The following ARMC2 variants were observed in gnomAD, a reference collection of about 807,000 sequenced individuals.
The protein encoded by ARMC2 is armadillo repeat-containing protein 2.
In ARMC2, 67 loss-of-function variants were observed where a neutral mutation model predicts 90.3. The ratio of observed to expected loss-of-function variants is 0.74; its 90% CI spans 0.61 to 0.91. The LOEUF is 0.91. ARMC2 is among the 40% of genes least tolerant of loss of function. The pLI, the probability that ARMC2 is intolerant of heterozygous loss-of-function variation, is 0.00. For synonymous variants in ARMC2, 393 were observed against 393.0 expected, an observed-to-expected ratio of 1.00 and a Z score of 0.00; for missense variants, 920 against 1,030.9, an observed-to-expected ratio of 0.89 and a Z score of 1.47.
the ARMC2 span, chr6:108,999,248 A>G: frequency 6.5e-6 from 1 of 152,778 alleles, no homozygotes; most frequent in Admixed American, 6.5e-5. Flanking sequence ...TATAACTTCT[A>G]TAATTCTTCT....
intron 5 of ARMC2, among the ~76,000 whole-genome samples, chr6:108,877,334 T>C (rs898124572): frequency 2.6e-5 from 4 of 152,272 alleles, no homozygotes; most frequent in Non-Finnish European, 5.9e-5. Context: ...CTTGCCAGCT[T>C]GTTTAGCTGA....
the ARMC2 span, among the ~76,000 whole-genome samples, chr6:109,027,988 ATTTTATTTCAGTCTGTGGC>A: frequency 4.3e-4 from 65 of 152,164 alleles, no homozygotes; most frequent in African/African-American, 1.5e-3. Flanking sequence ...TGTGTTATAA[ATTTTATTTCAGTCTGTGGC>A]TTGCCTTTTC....
At chr6:108,986,064 G>A in the ARMC2 span, among the ~76,000 whole-genome samples, 3 of 150,682 alleles carry the variant, frequency 2.0e-5, no homozygotes, top group South Asian at 6.5e-4. Context: ...GTTTTGAGGA[G>A]TAACTAACAG....
intron 7 of ARMC2, among the ~76,000 whole-genome samples, chr6:108,900,912 C>T (rs1772071538): frequency 6.6e-6 from 1 of 152,098 alleles, no homozygotes; most frequent in Admixed American, 6.5e-5. Flanking sequence ...TGTTCACCCT[C>T]ATCTTAGCGT....
At chr6:108,991,093 T>A in the ARMC2 span, among the ~76,000 whole-genome samples, 1 of 149,480 alleles carries the variant, frequency 6.7e-6, no homozygotes, top group African/African-American at 2.5e-5. Context: ...AAAAAAAAAC[T>A]AATAGTCTCT....
intron 10 of ARMC2, 147 bp from the exon 11 acceptor site, chr6:108,927,941 C>A: frequency 1.3e-6 from 1 of 755,826 alleles, no homozygotes; most frequent in Non-Finnish European, 2.0e-6. Context: ...TGTGCCTAGG[C>A]TCACATTCCC....
In ARMC2 at chr6:108,961,696, T is replaced by C. The variant is rs775626359; in HGVS notation, c.2038+2T>C. On this transcript the variant is annotated splice_donor_variant, in intron 14 of 17. Transcript: ENST00000392644. LOFTEE classifies it high-confidence loss of function. Reference sequence around the variant, plus strand: ...ACAAAAAGCTATATATTGCTGAATGTAAGGTTCAGAGTTGGATTTGGATAA... The same window carrying C: ...ACAAAAAGCTATATATTGCTGAATGCAAGGTTCAGAGTTGGATTTGGATAA... The C allele has an allele frequency of 1.9e-6, 3 of 1,593,390 alleles. No individual in the cohort carries two copies. In the Admixed American group the frequency reaches 5.3e-5, roughly 28 times the overall value.
intron 3 of ARMC2, among the ~76,000 whole-genome samples, chr6:108,866,183 C>T (rs941272764): frequency 3.9e-5 from 6 of 152,148 alleles, no homozygotes; most frequent in African/African-American, 1.4e-4. Context: ...GAAAACCACA[C>T]GTCTATCTTC....
intron 5 of ARMC2, among the ~76,000 whole-genome samples, chr6:108,893,632 G>C (rs1265094062): frequency 6.6e-6 from 1 of 152,176 alleles, no homozygotes; most frequent in South Asian, 2.1e-4. Context: ...TGGATTTTTT[G>C]TTCTTTCTAG....
At chr6:108,988,754 A>G in the ARMC2 span, 1 of 1,257,204 alleles carries the variant, frequency 8.0e-7, no homozygotes, top group Non-Finnish European at 1.1e-6. Context: ...TTACAAAAGT[A>G]TACACATCAA....
the ARMC2 span, among the ~76,000 whole-genome samples, chr6:108,995,765 CAG>C: frequency 6.6e-5 from 10 of 152,182 alleles, no homozygotes; most frequent in East Asian, 1.5e-3. Flanking sequence ...GCCTGGACAA[CAG>C]AGAGAGACTT....
chr6:108,939,183 G>A (rs2798639), intron 12 of ARMC2, among the ~76,000 whole-genome samples: 87,560 of 152,006 alleles, frequency 0.58, 25,855 homozygotes, highest in East Asian at 0.88. Flanking sequence ...TAATTTTCAC[G>A]TTAGACCAAT....
chr6:109,000,727 TC>T, the ARMC2 span: 7 of 1,309,696 alleles, frequency 5.3e-6, no homozygotes, highest in South Asian at 1.6e-4. Context: ...GAACTACATA[TC>T]CTTTTTATTT....
chr6:109,030,454 A>G, the ARMC2 span, among the ~76,000 whole-genome samples: 1 of 152,202 alleles, frequency 6.6e-6, no homozygotes, highest in Non-Finnish European at 1.5e-5. Context: ...GATTTATCCA[A>G]TGTATCAATA....
chr6:109,009,408 G>T, the ARMC2 span: 3 of 1,458,708 alleles, frequency 2.1e-6, no homozygotes, highest in South Asian at 3.9e-5. Flanking sequence ...CAGCAGCCCC[G>T]AGACCGCCAA....
At position 108,876,183 on chromosome 6, in the gene ARMC2, G is replaced by C. The variant is rs1193265350; in HGVS notation, c.504G>C (p.Gly168=). Residue 168 remains glycine (G), a synonymous_variant, in exon 5 of 18, where the codon GGG becomes GGC. Transcript: ENST00000392644. ...AATCCAAAGAAACAGTTATGATGGGGGACTCTATGGTGAAAATAAATGGGA... is the reference window on the plus strand; with the variant it reads ...AATCCAAAGAAACAGTTATGATGGGCGACTCTATGGTGAAAATAAATGGGA... ...TVESKETVMM[G]DSMVKINGIY... is the part of the protein sequence containing the mutation. The C allele has an allele frequency of 6.2e-7, 1 of 1,611,508 alleles. No individual in the cohort carries two copies. Among genetic ancestry groups the C allele is most frequent in the African/African-American group, 1.3e-5 (1 of 74,816 alleles).
intron 3 of ARMC2, among the ~76,000 whole-genome samples, chr6:108,863,943 T>C (rs945040118): frequency 6.6e-6 from 1 of 152,230 alleles, no homozygotes; most frequent in African/African-American, 2.4e-5. Context: ...TGGATTAGTT[T>C]GAGCCACATA....
chr6:109,002,020 T>A, the ARMC2 span, among the ~76,000 whole-genome samples: 1 of 124,030 alleles, frequency 8.1e-6, no homozygotes. Flanking sequence ...AAGCAGATGT[T>A]GTATCACTGG....
the ARMC2 span, among the ~76,000 whole-genome samples, chr6:108,993,940 G>GT: frequency 6.6e-6 from 1 of 151,758 alleles, no homozygotes; most frequent in Non-Finnish European, 1.5e-5. Context: ...TTAAGGAAGA[G>GT]AAGCGTGGGC....
Sources: allele counts gnomAD v4.1 joint callset (sites outside exome capture counted in the v4.1 genomes callset), GRCh38; gene constraint gnomAD v4.1.1; transcripts MANE v1.5; gene names NCBI Gene and HGNC (gene_info 2026-07-23, HGNC 2026-07-21).